Variants in KLF12 observed in about 807,000 individuals in gnomAD.
KLF12 encodes KLF transcription factor 12, also known as Krueppel-like factor 12.
Under a neutral mutation model 37.8 loss-of-function variants are expected in KLF12, and 9 were observed. The ratio of observed to expected loss-of-function variants is 0.24; its 90% CI spans 0.14 to 0.42. The LOEUF is 0.42. Among genes scored for constraint, KLF12 ranks in the 10% least tolerant of loss-of-function variants. The pLI, the probability that KLF12 is intolerant of heterozygous loss-of-function variation, is 1.00. For synonymous variants in KLF12, 208 were observed against 202.1 expected (o/e 1.03, Z -0.25); for missense variants, 411 against 516.0 (o/e 0.80, Z 1.97).
intron 1 of KLF12, among the ~76,000 whole-genome samples, chr13:74,073,766 C>T (rs1874411175): frequency 6.6e-6 from 1 of 152,196 alleles, no homozygotes; most frequent in South Asian, 2.1e-4. Context: ...AAAGACTAAA[C>T]TCCAATCACT....
chr13:74,099,023 ACAT>A lies in KLF12; in HGVS notation c.-32+34713_-32+34715del, dbSNP rs1190576438. Among the ~76,000 whole-genome samples the A allele has an allele frequency of 4.6e-5, 7 of 152,260 alleles. No homozygotes were observed. The East Asian group carries it at 1.2e-3, about 25-fold the overall frequency. On this transcript the variant is annotated intron_variant, in intron 1 of 7. Coordinates refer to ENST00000377669, the MANE Select transcript of KLF12 (RefSeq NM_007249.5). ...CTCATTTTTGCTACTGGACATATAT[ACAT>A]CATTATCATTGTATAAATGGGGTTA...
At chr13:74,304,715 A>G in the KLF12 span, among the ~76,000 whole-genome samples, 1 of 152,058 alleles carries the variant, frequency 6.6e-6, no homozygotes, top group Non-Finnish European at 1.5e-5. Context: ...ATTGGAGGGT[A>G]AAATGAAAGA....
chr13:74,305,271 T>A, the KLF12 span, among the ~76,000 whole-genome samples: 2 of 152,156 alleles, frequency 1.3e-5, no homozygotes, highest in African/African-American at 4.8e-5. Context: ...TTGCTTTTGC[T>A]GGTTACCTAA....
At chr13:73,712,803 C>T (rs1343813327) in intron 7 of KLF12, among the ~76,000 whole-genome samples, 1 of 152,216 alleles carries the variant, frequency 6.6e-6, no homozygotes, top group Non-Finnish European at 1.5e-5. Flanking sequence ...ACTCTAAAGG[C>T]TCAGATGACT....
At chr13:73,885,001 A>G (rs1406313097) in intron 3 of KLF12, among the ~76,000 whole-genome samples, 4 of 152,252 alleles carry the variant, frequency 2.6e-5, no homozygotes, top group Non-Finnish European at 5.9e-5. Context: ...TGTTGGCTCT[A>G]CCCATTGTGC....
At chr13:73,947,704 C>A (rs1440682826) in intron 2 of KLF12, among the ~76,000 whole-genome samples, 1 of 150,794 alleles carries the variant, frequency 6.6e-6, no homozygotes, top group Admixed American at 6.6e-5. Context: ...GACATTCGCT[C>A]TCCCTGTCAA....
At chr13:74,101,628 T>C (rs562126193) in intron 1 of KLF12, among the ~76,000 whole-genome samples, 2 of 152,090 alleles carry the variant, frequency 1.3e-5, no homozygotes, top group African/African-American at 4.8e-5. Flanking sequence ...TGCCATAAAA[T>C]AAGGAAGTGC....
At chr13:74,305,504 C>A in the KLF12 span, among the ~76,000 whole-genome samples, 1 of 151,952 alleles carries the variant, frequency 6.6e-6, no homozygotes, top group African/African-American at 2.4e-5. Context: ...TGCTGTCTTA[C>A]TCTCTCTTTT....
intron 4 of KLF12, among the ~76,000 whole-genome samples, chr13:73,820,425 T>TGA (rs773075340): frequency 6.6e-6 from 1 of 152,204 alleles, no homozygotes; most frequent in African/African-American, 2.4e-5. Context: ...AGACAGATAG[T>TGA]GAGAGAAACA....
chr13:73,868,825 A>G (rs936536648), intron 3 of KLF12, among the ~76,000 whole-genome samples: 1 of 152,058 alleles, frequency 6.6e-6, no homozygotes, highest in African/African-American at 2.4e-5. Flanking sequence ...TCTGACACAA[A>G]CTCTTCCACG....
intron 1 of KLF12, among the ~76,000 whole-genome samples, chr13:74,084,247 A>G (rs1050609530): frequency 6.6e-6 from 1 of 152,196 alleles, no homozygotes; most frequent in Admixed American, 6.5e-5. Flanking sequence ...ACCATTCCCT[A>G]TGAAAGGGCT....
At chr13:74,170,737 A>G in the KLF12 span, among the ~76,000 whole-genome samples, 7 of 152,230 alleles carry the variant, frequency 4.6e-5, no homozygotes, top group African/African-American at 1.4e-4. Flanking sequence ...CAATAAATAA[A>G]TGAATGAATA....
At chr13:74,153,162 T>C in the KLF12 span, among the ~76,000 whole-genome samples, 3 of 152,018 alleles carry the variant, frequency 2.0e-5, no homozygotes, top group South Asian at 2.1e-4. Context: ...TCAAATGATA[T>C]AAATGTAAGA....
the KLF12 span, among the ~76,000 whole-genome samples, chr13:74,303,760 T>C: frequency 6.6e-6 from 1 of 152,088 alleles, no homozygotes; most frequent in South Asian, 2.1e-4. Flanking sequence ...AGATATATCC[T>C]CCTGGTTTCA....
At chr13:74,268,751 T>C in the KLF12 span, among the ~76,000 whole-genome samples, 1 of 152,222 alleles carries the variant, frequency 6.6e-6, no homozygotes, top group African/African-American at 2.4e-5. Flanking sequence ...GAAATTGTGC[T>C]AACTCCAAAC....
intron 3 of KLF12, among the ~76,000 whole-genome samples, chr13:73,915,362 A>G (rs1463322746): frequency 6.6e-6 from 1 of 152,178 alleles, no homozygotes; most frequent in African/African-American, 2.4e-5. Flanking sequence ...GGATATCTTT[A>G]GAGGTCACTA....
Position 73,724,828 on chromosome 13 carries a change from C to T in KLF12, c.870-9303G>A, listed in dbSNP as rs201127577. Among the ~76,000 whole-genome samples, 6 of 152,256 alleles carry T rather than the reference C, an allele frequency of 3.9e-5. No individual in the cohort carries two copies. In the East Asian group the frequency reaches 1.2e-3, roughly 29 times the overall value. ...TAGAGCTAAACAGTGGGTTTCTTGA[C>T]CCCTAGAGCTAAGACTTTTCCGCTT... On this transcript the variant is annotated intron_variant, in intron 6 of 7. Transcript: ENST00000377669.
At chr13:73,943,297 C>T (rs1217483486) in intron 3 of KLF12, among the ~76,000 whole-genome samples, 5 of 152,118 alleles carry the variant, frequency 3.3e-5, no homozygotes, top group Non-Finnish European at 7.4e-5. Flanking sequence ...CTTAAAGTTG[C>T]CAATGCTGCA....
the KLF12 span, among the ~76,000 whole-genome samples, chr13:74,182,938 A>T: frequency 0.014 from 2,167 of 152,152 alleles, 64 homozygotes; most frequent in African/African-American, 0.048. Flanking sequence ...GTATTTCTCA[A>T]ACTGCTGTGA....
Sources: gnomAD v4.1 joint callset for allele counts (sites outside exome capture counted in the v4.1 genomes callset) on GRCh38, gnomAD v4.1.1 for gene constraint, MANE v1.5 for transcripts, NCBI Gene and HGNC (gene_info 2026-07-23, HGNC 2026-07-21) for gene names.